The following TMEM131 variants were observed in gnomAD, a reference collection of about 807,000 sequenced individuals.
TMEM131 encodes the protein 2610524E03Rik.
In TMEM131, 66 loss-of-function variants were observed where a neutral mutation model predicts 211.6. That is an observed-to-expected ratio of 0.31 (90% confidence interval 0.26 to 0.38). The LOEUF is 0.38. TMEM131 is among the 10% of genes least tolerant of loss of function. The pLI is 1.00. For synonymous variants in TMEM131, 844 were observed against 841.3 expected (o/e 1.00, Z -0.06); for missense variants, 2,036 against 2,299.3 (o/e 0.89, Z 2.34).
intron 1 of TMEM131, among the ~76,000 whole-genome samples, chr2:97,936,952 A>G (rs1677473175): frequency 6.6e-6 from 1 of 152,144 alleles, no homozygotes. Context: ...TAAGAAGAGA[A>G]AGAAATTATT....
intron 1 of TMEM131, among the ~76,000 whole-genome samples, chr2:97,958,563 G>A (rs773243512): frequency 7.2e-5 from 11 of 152,190 alleles, no homozygotes; most frequent in Non-Finnish European, 1.3e-4. Flanking sequence ...ATACTGAATC[G>A]CATTCTCTGA....
intron 11 of TMEM131, among the ~76,000 whole-genome samples, chr2:97,829,034 T>C (rs1384108069): frequency 2.0e-5 from 3 of 152,222 alleles, no homozygotes; most frequent in African/African-American, 7.2e-5. Context: ...CACTGGCCCT[T>C]TGACTGGCCT....
chr2:97,903,426 A>G (rs964238964), intron 3 of TMEM131, among the ~76,000 whole-genome samples: 1 of 152,238 alleles, frequency 6.6e-6, no homozygotes, highest in Non-Finnish European at 1.5e-5. Flanking sequence ...AGCCAGCGCA[A>G]TAACTGTTCC....
At chr2:97,786,043 T>C (rs1680234072) in intron 31 of TMEM131, among the ~76,000 whole-genome samples, 1 of 152,154 alleles carries the variant, frequency 6.6e-6, no homozygotes, top group African/African-American at 2.4e-5. Flanking sequence ...GAAGTGAGTG[T>C]GGCTAGAAAA....
chr2:97,772,309 T>A lies in TMEM131; in HGVS notation c.4436A>T (p.Asp1479Val), dbSNP rs138598681. 7 of 1,602,306 alleles carry A rather than the reference T, an allele frequency of 4.4e-6. No individual in the cohort carries two copies. Among genetic ancestry groups the A allele is most frequent in the East Asian group, 4.5e-5 (2 of 44,790 alleles). Reference sequence around the variant, plus strand: ...TTATTTCTCTCACCTGGGTTTCACATCTGTTGGGATTTCTTTCTTAATATT... The same window carrying A: ...TTATTTCTCTCACCTGGGTTTCACAACTGTTGGGATTTCTTTCTTAATATT... ...LLNIKKEIPT[D>V]VKPSSLELPY... The change falls in exon 33 of 41, where the codon GAT becomes GTT. Residue 1479 changes from aspartate to valine, a missense_variant. Around this residue, in one of 3 missense-constraint regions of TMEM131, gnomAD observed 1,623 missense variants for 1,805.9 expected, o/e 0.90. Coordinates refer to ENST00000186436, the MANE Select transcript of TMEM131 (RefSeq NM_015348.2).
At chr2:97,986,574 C>A (rs760726129) in intron 1 of TMEM131, among the ~76,000 whole-genome samples, 1 of 152,158 alleles carries the variant, frequency 6.6e-6, no homozygotes, top group African/African-American at 2.4e-5. Flanking sequence ...TTCTCAGTAA[C>A]CTATTTTCAT....
intron 5 of TMEM131, among the ~76,000 whole-genome samples, chr2:97,849,106 C>A (rs554979842): frequency 6.6e-6 from 1 of 152,232 alleles, no homozygotes; most frequent in East Asian, 1.9e-4. Context: ...AATGGCCTAA[C>A]ACTGTACACC....
intron 3 of TMEM131, among the ~76,000 whole-genome samples, chr2:97,899,088 A>G (rs540175299): frequency 6.6e-6 from 1 of 152,142 alleles, no homozygotes; most frequent in South Asian, 2.1e-4. Flanking sequence ...TAAAGCTCCA[A>G]TATTAGAATC....
At chr2:97,982,927 C>A (rs1278619893) in intron 1 of TMEM131, among the ~76,000 whole-genome samples, 1 of 152,192 alleles carries the variant, frequency 6.6e-6, no homozygotes, top group Non-Finnish European at 1.5e-5. Context: ...AGCCCCAACA[C>A]CCTTGTTGGA....
intron 1 of TMEM131, among the ~76,000 whole-genome samples, chr2:97,947,830 CA>C (rs1287790645): frequency 6.6e-6 from 1 of 152,122 alleles, no homozygotes; most frequent in African/African-American, 2.4e-5. Flanking sequence ...ATAAAACTGA[CA>C]CAGATAACAG....
At chr2:97,811,417 C>G (rs1381808914) in intron 17 of TMEM131, among the ~76,000 whole-genome samples, 185 bp from the exon 18 acceptor site, 1 of 152,208 alleles carries the variant, frequency 6.6e-6, no homozygotes, top group African/African-American at 2.4e-5. Context: ...TATTTCTCTA[C>G]TACACTTGTT....
intron 2 of TMEM131, among the ~76,000 whole-genome samples, chr2:97,922,673 G>C (rs2104424175): frequency 1.3e-5 from 2 of 152,208 alleles, no homozygotes; most frequent in Admixed American, 1.3e-4. Context: ...GTAGTATTTA[G>C]AGATATACAC....
chr2:97,826,550 G>GA (rs2105030049), intron 11 of TMEM131, among the ~76,000 whole-genome samples: 1 of 152,050 alleles, frequency 6.6e-6, no homozygotes, highest in Admixed American at 6.6e-5. Context: ...CAGCAGAAAG[G>GA]AAAGAGAGAA....
intron 38 of TMEM131, 132 bp from the exon 39 acceptor site, chr2:97,759,881 A>G (rs564690534): frequency 2.9e-6 from 2 of 685,790 alleles, no homozygotes; most frequent in Non-Finnish European, 5.2e-6. Context: ...AAAACAGACA[A>G]AAGGAAGAGC....
At chr2:97,959,404 C>T (rs1441593886) in intron 1 of TMEM131, among the ~76,000 whole-genome samples, 1 of 152,154 alleles carries the variant, frequency 6.6e-6, no homozygotes, top group Non-Finnish European at 1.5e-5. Flanking sequence ...GGTCCTGACT[C>T]TCAAACAGGG....
chr2:97,801,514 A>G (rs1008109900), intron 25 of TMEM131, among the ~76,000 whole-genome samples: 1 of 152,238 alleles, frequency 6.6e-6, no homozygotes, highest in Non-Finnish European at 1.5e-5. Flanking sequence ...ATGGCTTACA[A>G]TTTAATTACA....
At chr2:97,927,943 T>C (rs796694727) in intron 1 of TMEM131, among the ~76,000 whole-genome samples, 13 of 152,198 alleles carry the variant, frequency 8.5e-5, no homozygotes, top group African/African-American at 2.9e-4. Flanking sequence ...TCAAAGGGAT[T>C]TGGTGAGGAA....
At chr2:97,791,204 C>T (rs12712123) in intron 31 of TMEM131, among the ~76,000 whole-genome samples, 114,086 of 152,190 alleles carry the variant, frequency 0.75, 44,431 homozygotes, top group African/African-American at 0.87. Context: ...AGCTTACAAA[C>T]TGGTCTACCT....
intron 1 of TMEM131, among the ~76,000 whole-genome samples, chr2:97,942,283 C>T (rs1428210021): frequency 6.6e-4 from 83 of 124,998 alleles, no homozygotes; most frequent in African/African-American, 1.0e-3. Flanking sequence ...AATGAGAACA[C>T]TTGGACACAG....
Sources: allele counts gnomAD v4.1 joint callset (sites outside exome capture counted in the v4.1 genomes callset), GRCh38; gene constraint gnomAD v4.1.1; regional missense constraint gnomAD v4.1.1; transcripts MANE v1.5; gene names NCBI Gene and HGNC (gene_info 2026-07-23, HGNC 2026-07-21).